Variants in KLHL1 observed in about 807,000 individuals in gnomAD.
The protein encoded by KLHL1 is kelch like family member 1.
A neutral mutation model predicts 77.7 loss-of-function variants in KLHL1; 47 were observed. The ratio of observed to expected loss-of-function variants is 0.60; its 90% CI spans 0.48 to 0.77. The LOEUF is 0.77. Among genes scored for constraint, KLHL1 ranks in the 30% least tolerant of loss-of-function variants. KLHL1 has a pLI of 0.00. For missense variants in KLHL1, 925 were observed against 910.8 expected (o/e 1.02, Z -0.20); for synonymous variants, 360 against 325.2 (o/e 1.11, Z -1.15).
chr13:69,778,105 GTTAA>G (rs1234665047), intron 7 of KLHL1, among the ~76,000 whole-genome samples: 2 of 152,016 alleles, frequency 1.3e-5, no homozygotes, highest in Non-Finnish European at 2.9e-5. Flanking sequence ...TAGTAAAACA[GTTAA>G]TTAAAGAGAT....
intron 3 of KLHL1, among the ~76,000 whole-genome samples, chr13:69,954,649 C>T (rs984050837): frequency 2.6e-5 from 4 of 151,250 alleles, no homozygotes; most frequent in African/African-American, 9.7e-5. Flanking sequence ...TTTGCAGTCT[C>T]TCTATTAAGC....
chr13:69,702,107 T>C (rs1365336850), intron 10 of KLHL1, among the ~76,000 whole-genome samples: 2 of 151,728 alleles, frequency 1.3e-5, no homozygotes. Context: ...TAGTGATAGC[T>C]TGGAGTATAT....
rs549955126 is a variant in KLHL1 at position 69,751,202 on chromosome 13, G to T, written c.1640-10646C>A. Among the ~76,000 whole-genome samples the T allele has an allele frequency of 3.8e-4, 57 of 151,674 alleles. 1 individual carries two copies. The South Asian group carries it at 0.012, about 32-fold the overall frequency. On this transcript the variant is annotated intron_variant, in intron 7 of 10. Transcript: ENST00000377844. ...GTTATGTGTAGGTGTATGAAATCAA[G>T]GCTGTCAGGTAAAGTTTAGCAGTTT...
intron 1 of KLHL1, among the ~76,000 whole-genome samples, chr13:70,009,971 C>T (rs2439683): frequency 0.1 from 15,614 of 150,346 alleles, 862 homozygotes; most frequent in African/African-American, 0.12. Context: ...TTAAGAGTAA[C>T]CAAAGGAAAG....
At chr13:69,944,415 C>A (rs961020692) in intron 3 of KLHL1, among the ~76,000 whole-genome samples, 2 of 152,160 alleles carry the variant, frequency 1.3e-5, no homozygotes, top group South Asian at 2.1e-4. Context: ...GGTAGTTTAC[C>A]TTTTCTGATT....
At chr13:69,887,528 G>T (rs912344725) in intron 4 of KLHL1, among the ~76,000 whole-genome samples, 1 of 152,090 alleles carries the variant, frequency 6.6e-6, no homozygotes, top group Non-Finnish European at 1.5e-5. Context: ...CGAAAGCAAC[G>T]TGGCTCCTTC....
intron 5 of KLHL1, among the ~76,000 whole-genome samples, chr13:69,869,518 C>T (rs1321682359): frequency 2.6e-5 from 4 of 151,984 alleles, no homozygotes; most frequent in African/African-American, 4.8e-5. Context: ...TGTAGTTTTA[C>T]TTTTTGAATA....
At chr13:69,842,384 A>G (rs1337049121) in intron 5 of KLHL1, among the ~76,000 whole-genome samples, 2 of 151,922 alleles carry the variant, frequency 1.3e-5, no homozygotes, top group Non-Finnish European at 2.9e-5. Flanking sequence ...GGCGAAGGAC[A>G]TGACTAGGTA....
At chr13:70,073,461 G>T (rs2137420649) in intron 1 of KLHL1, among the ~76,000 whole-genome samples, 1 of 152,136 alleles carries the variant, frequency 6.6e-6, no homozygotes, top group Admixed American at 6.5e-5. Flanking sequence ...TAATGTAAAT[G>T]ATGAGTTACT....
chr13:69,790,220 A>G (rs1297186300), intron 7 of KLHL1, among the ~76,000 whole-genome samples: 1 of 152,038 alleles, frequency 6.6e-6, no homozygotes, highest in African/African-American at 2.4e-5. Flanking sequence ...TCAAATATCT[A>G]CTAATAATAA....
At chr13:69,769,746 C>T (rs1460349416) in intron 7 of KLHL1, among the ~76,000 whole-genome samples, 1 of 152,094 alleles carries the variant, frequency 6.6e-6, no homozygotes, top group African/African-American at 2.4e-5. Context: ...CACTTCAGGT[C>T]TCCTTTTGTT....
chr13:69,998,675 C>T lies in KLHL1; in HGVS notation c.498-22873G>A, dbSNP rs2501236. On this transcript the variant is annotated intron_variant, in intron 1 of 10. Transcript: ENST00000377844. ...TGCTATTAATAGTAATGGATGACTA[C>T]AGACTTATCGACTTTAAACAACTAA... Among the ~76,000 whole-genome samples, 1,506 of 152,118 alleles carry T rather than the reference C, an allele frequency of 9.9e-3. 25 individuals are homozygous for T. The highest frequency in any genetic ancestry group is 0.034 in the African/African-American group (1,419 of 41,526).
chr13:69,705,255 T>C (rs1875571435), intron 10 of KLHL1, among the ~76,000 whole-genome samples: 1 of 151,674 alleles, frequency 6.6e-6, no homozygotes, highest in Admixed American at 6.6e-5. Context: ...AGCTCGGTGT[T>C]CAATGACAAA....
chr13:69,860,743 C>A (rs1053912037), intron 5 of KLHL1, among the ~76,000 whole-genome samples: 1 of 131,410 alleles, frequency 7.6e-6, no homozygotes, highest in Admixed American at 7.4e-5. Context: ...TTTACAAATT[C>A]TATTTAAGAT....
chr13:69,783,443 A>G (rs911918479), intron 7 of KLHL1, among the ~76,000 whole-genome samples: 5 of 152,158 alleles, frequency 3.3e-5, no homozygotes, highest in African/African-American at 1.2e-4. Flanking sequence ...AATTAGACAA[A>G]TGGATAACTA....
intron 5 of KLHL1, among the ~76,000 whole-genome samples, chr13:69,876,786 C>T (rs1161351748): frequency 6.6e-6 from 1 of 152,088 alleles, no homozygotes; most frequent in African/African-American, 2.4e-5. Context: ...GCCTGTAATC[C>T]CAACACTTTG....
chr13:69,770,018 C>T (rs546230424), intron 7 of KLHL1, among the ~76,000 whole-genome samples: 1 of 152,284 alleles, frequency 6.6e-6, no homozygotes, highest in African/African-American at 2.4e-5. Context: ...AGAGCTGTGA[C>T]ATGCCCTTGT....
intron 1 of KLHL1, among the ~76,000 whole-genome samples, chr13:70,029,273 T>C (rs7328427): frequency 6.6e-6 from 1 of 151,896 alleles, no homozygotes; most frequent in Admixed American, 6.6e-5. Context: ...TATGGGCAGA[T>C]GAAAGAAATT....
At chr13:69,830,486 A>G (rs1331204053) in intron 6 of KLHL1, among the ~76,000 whole-genome samples, 1 of 150,258 alleles carries the variant, frequency 6.7e-6, no homozygotes, top group Non-Finnish European at 1.5e-5. Flanking sequence ...TATAGATGGC[A>G]ACACAATAAT....
Sources: allele counts gnomAD v4.1 joint callset (sites outside exome capture counted in the v4.1 genomes callset), GRCh38; gene constraint gnomAD v4.1.1; transcripts MANE v1.5; gene names NCBI Gene and HGNC (gene_info 2026-07-23, HGNC 2026-07-21).